Variants in FBRSL1 observed in about 807,000 individuals in gnomAD.
The protein encoded by FBRSL1 is fibrosin like 1, also known as fibrosin-1-like protein.
A neutral mutation model predicts 89.6 loss-of-function variants in FBRSL1; 51 were observed. The observed-to-expected ratio is 0.57, with a 90% CI of 0.45 to 0.72. FBRSL1 has a LOEUF of 0.72. Among genes scored for constraint, FBRSL1 ranks in the 30% least tolerant of loss-of-function variants. The pLI, the probability that FBRSL1 is intolerant of heterozygous loss-of-function variation, is 0.00. For synonymous variants in FBRSL1, 779 were observed against 681.1 expected (o/e 1.14, Z -2.24); for missense variants, 1,618 against 1,451.8 (o/e 1.11, Z -1.86).
At position 132,551,466 on chromosome 12, in the gene FBRSL1, G is replaced by A. The variant is rs537896573; in HGVS notation, c.645+3434G>A. ...GCCGGGGCAGGTGGCAGTGCACCCC[G>A]AGGAAGCCTTCTGGACGGAGTGGTG... On this transcript the variant is annotated intron_variant, in intron 5 of 18. Transcript: ENST00000680143. 1.1e-3 allele frequency: 503 copies of A among 456,316 alleles called. 2 individuals are homozygous for A. The highest frequency in any genetic ancestry group is 5.2e-3 in the Middle Eastern group (16 of 3,076). The allele number at this position is 456,316 out of a possible 1,614,324, so 28.3% of individuals were successfully genotyped here. A position where few individuals can be genotyped will look rare whatever the true frequency, so the allele number is the denominator to read the frequency against.
At chr12:132,573,705 C>A (rs2040196216) in intron 11 of FBRSL1, among the ~76,000 whole-genome samples, 1 of 152,116 alleles carries the variant, frequency 6.6e-6, no homozygotes, top group Non-Finnish European at 1.5e-5. Flanking sequence ...TGCTGTGGGA[C>A]CCCCCTTTCC....
intron 1 of FBRSL1, among the ~76,000 whole-genome samples, chr12:132,506,421 T>G (rs1405274959): frequency 1.3e-5 from 2 of 151,868 alleles, no homozygotes; most frequent in African/African-American, 4.8e-5. Flanking sequence ...GCCCCGAGGG[T>G]ACCACCCGGT....
chr12:132,538,899 C>A (rs895175118), intron 4 of FBRSL1, among the ~76,000 whole-genome samples: 3 of 152,158 alleles, frequency 2.0e-5, no homozygotes, highest in Non-Finnish European at 4.4e-5. Context: ...CCCAGGACAG[C>A]GAGAGGAAGG....
chr12:132,500,097 G>A (rs2032722470), intron 1 of FBRSL1, among the ~76,000 whole-genome samples: 1 of 152,176 alleles, frequency 6.6e-6, no homozygotes, highest in Non-Finnish European at 1.5e-5. Flanking sequence ...TCTGGCTCAG[G>A]AGGCGCCGGC....
At chr12:132,573,177 C>T (rs2040157923) in intron 11 of FBRSL1, among the ~76,000 whole-genome samples, 1 of 152,208 alleles carries the variant, frequency 6.6e-6, no homozygotes, top group Non-Finnish European at 1.5e-5. Context: ...CGGAGGGGCA[C>T]ACAGCTCTCA....
intron 2 of FBRSL1, chr12:132,510,389 C>G (rs1315049719): frequency 8.1e-7 from 1 of 1,231,840 alleles, no homozygotes; most frequent in African/African-American, 1.6e-5. Flanking sequence ...CCCGGTGGAC[C>G]CGATCCTGTG....
chr12:132,541,143 A>G (rs1177870692), intron 4 of FBRSL1, among the ~76,000 whole-genome samples: 1 of 145,686 alleles, frequency 6.9e-6, no homozygotes, highest in Admixed American at 6.8e-5. Context: ...GTCAGGTGCA[A>G]ATCCACTGTG....
chr12:132,512,742 G>A (rs1236546415), intron 2 of FBRSL1, among the ~76,000 whole-genome samples: 1 of 152,236 alleles, frequency 6.6e-6, no homozygotes, highest in Non-Finnish European at 1.5e-5. Flanking sequence ...GCTGAGCAGT[G>A]GCACTTGGCT....
intron 5 of FBRSL1, among the ~76,000 whole-genome samples, chr12:132,563,548 CT>C (rs1218874451): frequency 6.6e-6 from 1 of 152,132 alleles, no homozygotes; most frequent in African/African-American, 2.4e-5. Context: ...CTCCTTCCGT[CT>C]GTCCGTTTGC....
intron 2 of FBRSL1, chr12:132,510,605 G>T (rs745631362): frequency 2.0e-5 from 24 of 1,230,654 alleles, no homozygotes; most frequent in South Asian, 4.3e-5. Flanking sequence ...GCTGTTTGTC[G>T]TTGGAAATTG....
At chr12:132,554,968 G>C (rs951155059) in intron 5 of FBRSL1, 2 of 152,222 alleles carry the variant, frequency 1.3e-5, no homozygotes, top group Admixed American at 6.5e-5. Context: ...AAAAATGTGC[G>C]GTTGGAACTA....
At chr12:132,548,983 C>T (rs1199097827) in intron 5 of FBRSL1, among the ~76,000 whole-genome samples, 2 of 152,204 alleles carry the variant, frequency 1.3e-5, no homozygotes, top group Non-Finnish European at 2.9e-5. Flanking sequence ...TAGGGGACGC[C>T]CACTGTGGCC....
At chr12:132,506,746 A>G (rs767406982) in intron 1 of FBRSL1, among the ~76,000 whole-genome samples, 1 of 152,088 alleles carries the variant, frequency 6.6e-6, no homozygotes, top group African/African-American at 2.4e-5. Flanking sequence ...GCGAGCAGGA[A>G]CTCTGGAGGC....
At chr12:132,535,823 G>A (rs921333299) in intron 4 of FBRSL1, among the ~76,000 whole-genome samples, 3 of 151,120 alleles carry the variant, frequency 2.0e-5, no homozygotes, top group Non-Finnish European at 4.4e-5. Context: ...GTCCATGATG[G>A]TGTGAGTGCA....
At chr12:132,548,765 G>A (rs1014108194) in intron 5 of FBRSL1, among the ~76,000 whole-genome samples, 1 of 152,218 alleles carries the variant, frequency 6.6e-6, no homozygotes, top group African/African-American at 2.4e-5. Context: ...GACTGCCAAG[G>A]GCTACCCGGG....
rs1391906892 is a variant in FBRSL1 at position 132,583,538 on chromosome 12, C to T, written c.2769C>T (p.Pro923=). The T allele has an allele frequency of 4.8e-6, 5 of 1,047,194 alleles. No individual in the cohort carries two copies. The highest frequency in any genetic ancestry group is 1.7e-5 in the African/African-American group (1 of 57,216). 64.9% of individuals were successfully genotyped at this position (1,047,194 alleles called of 1,614,324 possible). A position where few individuals can be genotyped will look rare whatever the true frequency, so the allele number is the denominator to read the frequency against. ...CCGCCTTGGACGGCGCGCTGCTGCCCTCGCTGGGAGCCCTGCACTTCCCGC... is the reference window on the plus strand; with the variant it reads ...CCGCCTTGGACGGCGCGCTGCTGCCTTCGCTGGGAGCCCTGCACTTCCCGC... The part of the protein sequence containing the change: ...AAPALDGALL[P]SLGALHFPRL... Residue 923 remains proline (P), a synonymous_variant, in exon 19 of 19, where the codon CCC becomes CCT. Transcript: ENST00000680143.
chr12:132,525,631 G>C, intron 2 of FBRSL1, 103 bp from the exon 3 acceptor site: 1 of 924,566 alleles, frequency 1.1e-6, no homozygotes, highest in Non-Finnish European at 1.7e-6. Context: ...TGGGGCCGGG[G>C]TGCTGGGGTG....
rs1446328633 is a variant in FBRSL1 at position 132,581,667 on chromosome 12, C to T, written c.1913-74C>T. The T allele has an allele frequency of 3.8e-5, 57 of 1,504,976 alleles. No homozygotes were observed. The East Asian group carries it at 1.4e-3, about 36-fold the overall frequency. The allele number at this position is 1,504,976 out of a possible 1,614,324, so 93.2% of individuals were successfully genotyped here. Reference sequence around the variant, plus strand: ...CCCACCAGGCCCAAAGCCTCTACAGCAGCCCCCACTGGGCCAGGTGGGAGC... The same window carrying T: ...CCCACCAGGCCCAAAGCCTCTACAGTAGCCCCCACTGGGCCAGGTGGGAGC... On this transcript the variant is annotated intron_variant, in intron 16 of 18. Coordinates refer to ENST00000680143, the MANE Select transcript of FBRSL1 (RefSeq NM_001367871.1).
chr12:132,581,663 A>AC, intron 16 of FBRSL1, 78 bp from the exon 17 acceptor site: 1 of 1,504,546 alleles, frequency 6.6e-7, no homozygotes, highest in Non-Finnish European at 9.0e-7. Flanking sequence ...CAAAGCCTCT[A>AC]CAGCAGCCCC....
Sources: allele counts gnomAD v4.1 joint callset (sites outside exome capture counted in the v4.1 genomes callset), GRCh38; gene constraint gnomAD v4.1.1; transcripts MANE v1.5; gene names NCBI Gene and HGNC (gene_info 2026-07-23, HGNC 2026-07-21).